RBFOX1: variants seen among roughly 807,000 people sequenced by gnomAD.
RBFOX1 encodes the protein RNA binding protein fox-1 homolog 1.
In RBFOX1, 8 loss-of-function variants were observed where a neutral mutation model predicts 57.7. That is an observed-to-expected ratio of 0.14 (90% CI 0.08 to 0.25). RBFOX1 has a LOEUF of 0.25. RBFOX1 is among the 10% of genes least tolerant of loss of function. The probability of loss-of-function intolerance (pLI) is 1.00; values close to 1 mark genes in which losing one functional copy is unlikely to be tolerated. For synonymous variants in RBFOX1, 326 were observed against 222.4 expected (o/e 1.47, Z -4.15); for missense variants, 611 against 548.5 (o/e 1.11, Z -1.14).
intron 12 of RBFOX1, among the ~76,000 whole-genome samples, chr16:7,655,445 C>G (rs1228648483): frequency 6.6e-6 from 1 of 152,204 alleles, no homozygotes; most frequent in African/African-American, 2.4e-5. Context: ...TAAATTCTCC[C>G]TAATGCCTGT....
At chr16:7,547,295 A>C (rs1195060259) in intron 5 of RBFOX1, among the ~76,000 whole-genome samples, 1 of 152,212 alleles carries the variant, frequency 6.6e-6, no homozygotes, top group Non-Finnish European at 1.5e-5. Flanking sequence ...TTTCGATATG[A>C]AGTGTGATGA....
At chr16:6,394,712 A>G (rs947553391) in intron 2 of RBFOX1, among the ~76,000 whole-genome samples, 2 of 151,844 alleles carry the variant, frequency 1.3e-5, no homozygotes, top group African/African-American at 4.8e-5. Context: ...GTGTGTAAGT[A>G]TGTATATACT....
chr16:7,555,244 A>G (rs1312441372), intron 5 of RBFOX1, among the ~76,000 whole-genome samples: 1 of 152,178 alleles, frequency 6.6e-6, no homozygotes. Context: ...AAGCCTTCTG[A>G]TGACTCCCCC....
intron 4 of RBFOX1, among the ~76,000 whole-genome samples, chr16:7,352,551 G>A (rs1239601289): frequency 1.3e-5 from 2 of 152,008 alleles, no homozygotes; most frequent in African/African-American, 2.4e-5. Flanking sequence ...TTGTTCTAGG[G>A]CCCTTTGCAG....
intron 4 of RBFOX1, among the ~76,000 whole-genome samples, chr16:7,063,710 A>G (rs1032082350): frequency 2.0e-5 from 3 of 152,196 alleles, no homozygotes; most frequent in Non-Finnish European, 4.4e-5. Context: ...AGGGGGAAAA[A>G]AAACCCAACA....
intron 4 of RBFOX1, among the ~76,000 whole-genome samples, chr16:7,487,752 A>ATT (rs1475596077): frequency 6.6e-6 from 1 of 152,152 alleles, no homozygotes; most frequent in Non-Finnish European, 1.5e-5. Flanking sequence ...GCAGCTTGTA[A>ATT]AAGTGCCTCC....
intron 4 of RBFOX1, among the ~76,000 whole-genome samples, chr16:5,894,601 A>G (rs2058117128): frequency 6.6e-6 from 1 of 152,178 alleles, no homozygotes; most frequent in Non-Finnish European, 1.5e-5. Flanking sequence ...AGGAGTAGAC[A>G]ATTAAGAACA....
intron 3 of RBFOX1, among the ~76,000 whole-genome samples, chr16:5,744,360 A>T (rs2052893654): frequency 6.6e-6 from 1 of 152,100 alleles, no homozygotes; most frequent in Non-Finnish European, 1.5e-5. Flanking sequence ...CTATTTCCAT[A>T]GCTGCTCATG....
chr16:6,066,144 A>G (rs2095758075), intron 1 of RBFOX1, among the ~76,000 whole-genome samples: 1 of 151,874 alleles, frequency 6.6e-6, no homozygotes, highest in South Asian at 2.1e-4. Context: ...AAACACAAAA[A>G]TTAGCTGGGT....
intron 3 of RBFOX1, among the ~76,000 whole-genome samples, chr16:7,030,346 C>A (rs1291494801): frequency 1.3e-5 from 2 of 152,078 alleles, no homozygotes; most frequent in Non-Finnish European, 2.9e-5. Flanking sequence ...CTAGCATTGC[C>A]ATAAGTTAAC....
At chr16:6,962,800 G>T (rs558082445) in intron 3 of RBFOX1, among the ~76,000 whole-genome samples, 7 of 152,208 alleles carry the variant, frequency 4.6e-5, no homozygotes, top group Non-Finnish European at 2.9e-5. Context: ...AGGAGATGGA[G>T]GCTGCAGTGA....
chr16:7,243,545 G>A lies in RBFOX1; in HGVS notation c.27+191447G>A, dbSNP rs188489241. Among the ~76,000 whole-genome samples the A allele has an allele frequency of 2.1e-3, 320 of 152,198 alleles. 1 individual carries two copies. Among genetic ancestry groups the A allele is most frequent in the African/African-American group, 7.5e-3 (311 of 41,540 alleles). ...GAAGTTGACCCCTTACTCTTTATTA[G>A]TAGTAGTATTAATACATTTTGAGAG... On this transcript the variant is annotated intron_variant, in intron 4 of 15. Transcript: ENST00000550418.
At chr16:7,504,500 C>A (rs1169778294) in intron 4 of RBFOX1, among the ~76,000 whole-genome samples, 2 of 150,466 alleles carry the variant, frequency 1.3e-5, no homozygotes. Flanking sequence ...AATTGTTCCA[C>A]CATAACTCTC....
At chr16:5,711,367 A>G (rs1326763465) in intron 3 of RBFOX1, among the ~76,000 whole-genome samples, 2 of 152,366 alleles carry the variant, frequency 1.3e-5, no homozygotes, top group African/African-American at 2.4e-5. Flanking sequence ...GCTTAGATCT[A>G]TAACCATATA....
chr16:7,019,591 G>A (rs991151478), intron 3 of RBFOX1, among the ~76,000 whole-genome samples: 1 of 152,150 alleles, frequency 6.6e-6, no homozygotes, highest in Non-Finnish European at 1.5e-5. Context: ...TCTGTTCTGT[G>A]AATACGTAGT....
intron 1 of RBFOX1, among the ~76,000 whole-genome samples, chr16:6,227,562 C>T (rs979288619): frequency 1.2e-4 from 18 of 152,022 alleles, no homozygotes; most frequent in African/African-American, 4.4e-4. Flanking sequence ...CTTGTACACA[C>T]CTTCCAGCCA....
At chr16:5,376,035 G>A (rs1267938874) in intron 1 of RBFOX1, among the ~76,000 whole-genome samples, 4 of 152,116 alleles carry the variant, frequency 2.6e-5, no homozygotes, top group African/African-American at 9.7e-5. Flanking sequence ...GGGCTTGGTG[G>A]TGGGTGCCTG....
intron 4 of RBFOX1, among the ~76,000 whole-genome samples, chr16:7,282,880 T>G (rs2095574229): frequency 6.6e-6 from 1 of 152,228 alleles, no homozygotes; most frequent in African/African-American, 2.4e-5. Context: ...TAGTCTCCAA[T>G]CGCATCCAGG....
intron 3 of RBFOX1, among the ~76,000 whole-genome samples, chr16:6,809,862 G>A (rs116268290): frequency 6.6e-5 from 10 of 152,012 alleles, no homozygotes; most frequent in African/African-American, 2.4e-4. Flanking sequence ...CACCAGTCCG[G>A]TGCCTTTCTG....
Sources: gnomAD v4.1 joint callset for allele counts (sites outside exome capture counted in the v4.1 genomes callset) on GRCh38, gnomAD v4.1.1 for gene constraint, MANE v1.5 for transcripts, NCBI Gene and HGNC (gene_info 2026-07-23, HGNC 2026-07-21) for gene names.